Variants in EGFR observed in about 807,000 individuals in gnomAD.
EGFR encodes epidermal growth factor receptor, also known as avian erythroblastic leukemia viral (v-erb-b) oncogene homolog.
A neutral mutation model predicts 143.0 loss-of-function variants in EGFR; 58 were observed. The observed-to-expected ratio is 0.41, with a 90% CI of 0.33 to 0.50. The LOEUF is 0.50. Among genes scored for constraint, EGFR ranks in the 20% least tolerant of loss-of-function variants. The pLI is 0.39. For missense variants in EGFR, 1,307 were observed against 1,579.0 expected (o/e 0.83, Z 2.92); for synonymous variants, 613 against 594.4 (o/e 1.03, Z -0.45).
intron 1 of EGFR, among the ~76,000 whole-genome samples, chr7:55,120,721 G>A (rs137922300): frequency 4.6e-5 from 7 of 152,298 alleles, no homozygotes; most frequent in East Asian, 3.9e-4. Context: ...TCCTGGGAAC[G>A]TTGTTGACAC....
chr7:55,122,019 C>G (rs1476146906), intron 1 of EGFR, among the ~76,000 whole-genome samples: 3 of 152,196 alleles, frequency 2.0e-5, no homozygotes, highest in African/African-American at 4.8e-5. Context: ...GAGGGGAGAC[C>G]TGAGCCCACT....
chr7:55,192,002 C>T (rs2128965002), intron 21 of EGFR, 128 bp downstream of exon 21: 3 of 1,423,998 alleles, frequency 2.1e-6, no homozygotes, highest in East Asian at 4.8e-5. Flanking sequence ...GAGCTCGCAG[C>T]AGCTGCTGCT....
chr7:55,026,420 G>A (rs1346686688), intron 1 of EGFR, among the ~76,000 whole-genome samples: 10 of 152,298 alleles, frequency 6.6e-5, no homozygotes, highest in African/African-American at 1.4e-4. Context: ...GACAGAGCAG[G>A]AGCATCGCCA....
rs1792348673 is a variant in EGFR, at chr7:55,109,707, T to TCACAGGACAAA, written c.89-32578_89-32568dup. The stretch of plus-strand genomic sequence containing the variant: ...CCTGGTTTAGGTATAAACTTTTGAC[T>TCACAGGACAAA]CACAGGACAAATTCTATCATTCCTT... On this transcript the variant is annotated intron_variant, in intron 1 of 27. Coordinates refer to ENST00000275493, the MANE Select transcript of EGFR (RefSeq NM_005228.5). 3 of 984,650 alleles carry TCACAGGACAAA rather than the reference T, an allele frequency of 3.0e-6. No individual in the cohort carries two copies. The South Asian group carries it at 1.4e-4, about 46-fold the overall frequency. The allele number at this position is 984,650 out of a possible 1,614,324, so 61.0% of individuals were successfully genotyped here.
intron 19 of EGFR, among the ~76,000 whole-genome samples, chr7:55,175,388 A>G (rs936765891): frequency 6.6e-6 from 1 of 152,184 alleles, no homozygotes; most frequent in Non-Finnish European, 1.5e-5. Context: ...GTTGATTGTT[A>G]CTTTGTGGAA....
At chr7:55,026,555 A>G (rs1786895518) in intron 1 of EGFR, among the ~76,000 whole-genome samples, 1 of 152,196 alleles carries the variant, frequency 6.6e-6, no homozygotes, top group African/African-American at 2.4e-5. Flanking sequence ...AACCGGAAAC[A>G]TTCGAAACTC....
chr7:55,171,363 C>A, intron 16 of EGFR, 150 bp downstream of exon 16: 1 of 1,137,388 alleles, frequency 8.8e-7, no homozygotes. Context: ...AGGGTTTCTG[C>A]AGAGACTGCC....
chr7:55,075,297 C>T (rs933780536), intron 1 of EGFR, among the ~76,000 whole-genome samples: 6 of 152,172 alleles, frequency 3.9e-5, no homozygotes, highest in South Asian at 2.1e-4. Context: ...TCCTCCACAC[C>T]GGTGGCCACT....
intron 27 of EGFR, among the ~76,000 whole-genome samples, chr7:55,204,539 T>C (rs1358867697): frequency 8.7e-6 from 1 of 115,338 alleles, no homozygotes; most frequent in Non-Finnish European, 1.7e-5. Flanking sequence ...CATACGCATA[T>C]ATACACACAC....
rs543741194 is a variant in EGFR, at chr7:55,155,761, G to T, written c.890-69G>T. On this transcript the variant is annotated intron_variant, in intron 7 of 27. Coordinates refer to ENST00000275493, the MANE Select transcript of EGFR (RefSeq NM_005228.5). ...TTCCATCACCCCTCAAGAGGACCTG[G>T]ACCGCCTGTGTGAGGCCCGAGCACC... 3.3e-6 allele frequency: 4 copies of T among 1,225,480 alleles called. No individual in the cohort carries two copies. The South Asian group carries it at 4.8e-5, about 15-fold the overall frequency. The allele number at this position is 1,225,480 out of a possible 1,614,324, so 75.9% of individuals were successfully genotyped here.
intron 1 of EGFR, among the ~76,000 whole-genome samples, chr7:55,029,021 C>T (rs959632107): frequency 1.3e-5 from 2 of 152,026 alleles, no homozygotes; most frequent in Non-Finnish European, 2.9e-5. Flanking sequence ...CAGCTGGGTG[C>T]GGTGGCACGT....
chr7:55,177,955 GT>G (rs1279303417), intron 19 of EGFR, among the ~76,000 whole-genome samples: 2 of 152,248 alleles, frequency 1.3e-5, no homozygotes, highest in African/African-American at 4.8e-5. Context: ...CGTTCCCATT[GT>G]GCCTGCTGGG....
intron 1 of EGFR, among the ~76,000 whole-genome samples, chr7:55,063,352 G>T (rs926266643): frequency 3.3e-5 from 5 of 152,016 alleles, no homozygotes; most frequent in Non-Finnish European, 5.9e-5. Flanking sequence ...TTTTACTTTG[G>T]TCCATAATTT....
At chr7:55,097,799 C>CTA (rs1410786719) in intron 1 of EGFR, among the ~76,000 whole-genome samples, 1 of 151,554 alleles carries the variant, frequency 6.6e-6, no homozygotes, top group Non-Finnish European at 1.5e-5. Context: ...CTAACAATGT[C>CTA]TATAGGATGA....
intron 1 of EGFR, among the ~76,000 whole-genome samples, chr7:55,117,016 G>A (rs1220878610): frequency 5.3e-5 from 8 of 152,268 alleles, no homozygotes; most frequent in South Asian, 2.1e-4. Flanking sequence ...TCAGAGTGGC[G>A]TTGCTGGGTC....
In EGFR at chr7:55,156,887, G is replaced by A. The variant is rs41522547; in HGVS notation, c.1207+55G>A. ...ATGGGAAATCAGTGTTTTAGAGAGA[G>A]AACTTTTCGACATATTTCCTGTTCC... is the stretch of plus-strand genomic sequence containing the variant. On this transcript the variant is annotated intron_variant, in intron 10 of 27. Coordinates refer to ENST00000275493, the MANE Select transcript of EGFR (RefSeq NM_005228.5). The A allele has an allele frequency of 6.1e-5, 99 of 1,612,228 alleles. No individual in the cohort carries two copies. In the African/African-American group the frequency reaches 1.1e-3, roughly 18 times the overall value.
chr7:55,175,307 G>A (rs372790820), intron 19 of EGFR, among the ~76,000 whole-genome samples: 18 of 152,254 alleles, frequency 1.2e-4, no homozygotes, highest in African/African-American at 3.1e-4. Flanking sequence ...ATATGATGGC[G>A]TGCAGTCTAT....
At chr7:55,069,743 G>A (rs1789713117) in intron 1 of EGFR, among the ~76,000 whole-genome samples, 1 of 152,220 alleles carries the variant, frequency 6.6e-6, no homozygotes, top group South Asian at 2.1e-4. Context: ...GCTGGTAGAT[G>A]CAGTGAACTC....
At chr7:55,186,849 A>G (rs1476963745) in intron 20 of EGFR, among the ~76,000 whole-genome samples, 1 of 152,230 alleles carries the variant, frequency 6.6e-6, no homozygotes, top group East Asian at 1.9e-4. Flanking sequence ...TGAGGCCACC[A>G]TGCAAGGCAC....
Sources: gnomAD v4.1 joint callset for allele counts (sites outside exome capture counted in the v4.1 genomes callset) on GRCh38, gnomAD v4.1.1 for gene constraint, MANE v1.5 for transcripts, NCBI Gene and HGNC (gene_info 2026-07-23, HGNC 2026-07-21) for gene names.